Variants in NPAS3 observed in about 807,000 individuals in gnomAD.
NPAS3 encodes neuronal PAS domain-containing protein 3.
Under a neutral mutation model 73.1 loss-of-function variants are expected in NPAS3, and 14 were observed. The ratio of observed to expected loss-of-function variants is 0.19; its 90% CI spans 0.13 to 0.30. NPAS3 has a LOEUF of 0.30. NPAS3 is among the 10% of genes least tolerant of loss of function. NPAS3 has a pLI of 1.00. For synonymous variants in NPAS3, 620 were observed against 541.5 expected, an observed-to-expected ratio of 1.14 and a Z score of -2.01; for missense variants, 1,096 against 1,250.0, an observed-to-expected ratio of 0.88 and a Z score of 1.86.
At chr14:33,404,764 A>C (rs567360970) in intron 4 of NPAS3, among the ~76,000 whole-genome samples, 1 of 152,242 alleles carries the variant, frequency 6.6e-6, no homozygotes, top group South Asian at 2.1e-4. Context: ...GAGTTTATGG[A>C]GAATGACAGA....
chr14:33,507,123 G>A (rs966162312), intron 4 of NPAS3, among the ~76,000 whole-genome samples: 3 of 151,960 alleles, frequency 2.0e-5, no homozygotes, highest in African/African-American at 7.2e-5. Flanking sequence ...TTTGTAGAAT[G>A]TAATGAGCAT....
chr14:33,703,430 G>T (rs552532736), intron 6 of NPAS3, among the ~76,000 whole-genome samples: 32 of 152,236 alleles, frequency 2.1e-4, no homozygotes, highest in African/African-American at 7.2e-4. Context: ...GAAAGTTGAG[G>T]CTACAGTGAG....
At chr14:33,436,454 T>C (rs890399429) in intron 4 of NPAS3, among the ~76,000 whole-genome samples, 2 of 152,236 alleles carry the variant, frequency 1.3e-5, no homozygotes, top group Non-Finnish European at 2.9e-5. Context: ...CTGTGGCATG[T>C]ACACATCAGT....
chr14:33,336,658 A>G (rs1291746950), intron 3 of NPAS3, among the ~76,000 whole-genome samples: 1 of 152,198 alleles, frequency 6.6e-6, no homozygotes, highest in Non-Finnish European at 1.5e-5. Flanking sequence ...TCACATCTGC[A>G]AAATCTCTTC....
At chr14:33,244,069 G>C (rs1176146391) in intron 3 of NPAS3, among the ~76,000 whole-genome samples, 1 of 151,580 alleles carries the variant, frequency 6.6e-6, no homozygotes, top group East Asian at 1.9e-4. Context: ...TATACATGTT[G>C]GGTGTCTTTT....
At chr14:33,043,029 T>C (rs1274169133) in intron 1 of NPAS3, among the ~76,000 whole-genome samples, 1 of 152,186 alleles carries the variant, frequency 6.6e-6, no homozygotes, top group Non-Finnish European at 1.5e-5. Context: ...AATGTAGTTT[T>C]AGTTGAATGT....
intron 1 of NPAS3, among the ~76,000 whole-genome samples, chr14:33,033,519 A>G (rs1182109495): frequency 2.6e-5 from 4 of 152,110 alleles, no homozygotes; most frequent in Non-Finnish European, 5.9e-5. Flanking sequence ...GTACATGTGT[A>G]TATACTACAT....
intron 4 of NPAS3, among the ~76,000 whole-genome samples, chr14:33,529,226 G>C (rs2053934105): frequency 6.6e-6 from 1 of 152,054 alleles, no homozygotes; most frequent in Admixed American, 6.6e-5. Context: ...CTTTTCTCAA[G>C]GTAGCTTAGT....
chr14:33,060,979 A>G (rs749434669), intron 2 of NPAS3, among the ~76,000 whole-genome samples: 1 of 152,218 alleles, frequency 6.6e-6, no homozygotes, highest in Non-Finnish European at 1.5e-5. Flanking sequence ...AGAAGCGTGG[A>G]TTTGGATTCA....
At chr14:33,187,144 C>G (rs892670965) in intron 2 of NPAS3, among the ~76,000 whole-genome samples, 1 of 152,150 alleles carries the variant, frequency 6.6e-6, no homozygotes, top group African/African-American at 2.4e-5. Context: ...GGGCTTCTTA[C>G]TACCATTAGA....
At chr14:33,516,608 C>T (rs1171916587) in intron 4 of NPAS3, among the ~76,000 whole-genome samples, 1 of 152,174 alleles carries the variant, frequency 6.6e-6, no homozygotes, top group Non-Finnish European at 1.5e-5. Flanking sequence ...CTCTGACCCT[C>T]AGTTCCTTAT....
intron 3 of NPAS3, among the ~76,000 whole-genome samples, chr14:33,301,667 T>C (rs1049793199): frequency 1.3e-5 from 2 of 152,128 alleles, no homozygotes; most frequent in African/African-American, 4.8e-5. Flanking sequence ...CTAAAATACT[T>C]ATATAGGCAC....
chr14:33,213,199 AC>A (rs976173613), intron 2 of NPAS3, among the ~76,000 whole-genome samples: 4 of 151,102 alleles, frequency 2.6e-5, no homozygotes, highest in African/African-American at 9.8e-5. Context: ...TGAGTTCGTA[AC>A]CCCTGCTCTA....
chr14:33,449,947 A>T (rs556646533), intron 4 of NPAS3, among the ~76,000 whole-genome samples: 1 of 152,346 alleles, frequency 6.6e-6, no homozygotes, highest in South Asian at 2.1e-4. Context: ...AGCATTTAAG[A>T]GTCCAGAGGC....
Position 33,466,104 on chromosome 14 carries a change from G to A in NPAS3, c.469-94017G>A, listed in dbSNP as rs1246999975. On this transcript the variant is annotated intron_variant, in intron 4 of 11. Transcript: ENST00000356141. ...TTGAGCTTCGGGAGCATGCTGGGGA[G>A]TGCAAGGAGACTCACTGCCCAGGAG... Among the ~76,000 whole-genome samples, 3 of 152,256 alleles carry A rather than the reference G, an allele frequency of 2.0e-5. No individual in the cohort carries two copies. In the East Asian group the frequency reaches 5.8e-4, roughly 30 times the overall value.
chr14:33,617,926 C>T (rs546547721), intron 5 of NPAS3, among the ~76,000 whole-genome samples: 6 of 152,250 alleles, frequency 3.9e-5, no homozygotes, highest in African/African-American at 9.6e-5. Flanking sequence ...AAATGGCTGA[C>T]ACTTGCATCT....
chr14:33,356,233 A>G (rs1047861223), intron 3 of NPAS3, among the ~76,000 whole-genome samples: 1 of 152,234 alleles, frequency 6.6e-6, no homozygotes, highest in African/African-American at 2.4e-5. Flanking sequence ...AAAACAAATA[A>G]AAATGACTGG....
chr14:32,988,662 C>T (rs1020421389), intron 1 of NPAS3, among the ~76,000 whole-genome samples: 2 of 152,152 alleles, frequency 1.3e-5, no homozygotes, highest in African/African-American at 4.8e-5. Context: ...CTTTGAGTCT[C>T]ACTAGCCACA....
intron 5 of NPAS3, among the ~76,000 whole-genome samples, chr14:33,576,420 G>C (rs748307655): frequency 6.6e-6 from 1 of 152,154 alleles, no homozygotes; most frequent in Non-Finnish European, 1.5e-5. Context: ...CTTCTGACTA[G>C]CTTGTTGAAT....
Sources: gnomAD v4.1 joint callset for allele counts (sites outside exome capture counted in the v4.1 genomes callset) on GRCh38, gnomAD v4.1.1 for gene constraint, MANE v1.5 for transcripts, NCBI Gene and HGNC (gene_info 2026-07-23, HGNC 2026-07-21) for gene names.